SYNRG: variants seen among roughly 807,000 people sequenced by gnomAD.
SYNRG encodes the protein AP1 gamma subunit binding protein 1.
In SYNRG, 37 loss-of-function variants were observed where a neutral mutation model predicts 130.9. That is an observed-to-expected ratio of 0.28 (90% CI 0.22 to 0.37). The LOEUF is 0.37. Ranked by LOEUF, SYNRG falls within the 10% of genes least tolerant of loss-of-function variation. SYNRG has a pLI of 1.00. For synonymous variants in SYNRG, 539 were observed against 568.1 expected (o/e 0.95, Z 0.73); for missense variants, 1,338 against 1,588.9 (o/e 0.84, Z 2.68).
intron 6 of SYNRG, among the ~76,000 whole-genome samples, chr17:37,582,846 C>A (rs981331415): frequency 6.6e-6 from 1 of 151,600 alleles, no homozygotes; most frequent in Non-Finnish European, 1.5e-5. Context: ...TAGAATGAGA[C>A]CCTGTCTCAA....
rs1341679385 is a variant in SYNRG at position 37,580,478 on chromosome 17, CGTGT to C, written c.590-2869_590-2866del. 4.0e-3 allele frequency among the ~76,000 whole-genome samples: 491 copies of C among 122,004 alleles called. 4 individuals are homozygous for C. Among genetic ancestry groups the C allele is most frequent in the Non-Finnish European group, 6.2e-3 (378 of 60,866 alleles). The allele number at this position is 122,004 out of a possible 152,430, so 80.0% of individuals were successfully genotyped here. A position where few individuals can be genotyped will look rare whatever the true frequency, so the allele number is the denominator to read the frequency against. On this transcript the variant is annotated intron_variant, in intron 6 of 21. Transcript: ENST00000612223. Reference sequence around the variant, plus strand: ...CCATGCCCAGTTAATCTTTGTATTTCGTGTGTGTGTGTGTGTGTGTGTGTGTGTG... The same window carrying C: ...CCATGCCCAGTTAATCTTTGTATTTCGTGTGTGTGTGTGTGTGTGTGTGTG...
chr17:37,579,957 T>C (rs1349927557), intron 6 of SYNRG, among the ~76,000 whole-genome samples: 1 of 152,132 alleles, frequency 6.6e-6, no homozygotes, highest in African/African-American at 2.4e-5. Context: ...TGGCCTTGAC[T>C]GTCTTTCTTT....
chr17:37,588,051 C>T (rs1048367350), intron 3 of SYNRG, among the ~76,000 whole-genome samples: 4 of 152,092 alleles, frequency 2.6e-5, no homozygotes, highest in Admixed American at 6.6e-5. Context: ...ATTATATCCT[C>T]ACTTCCCTTC....
intron 2 of SYNRG, 104 bp from the exon 3 acceptor site, chr17:37,596,448 ATGG>A: frequency 1.5e-6 from 2 of 1,318,026 alleles, no homozygotes; most frequent in Admixed American, 2.2e-5. Context: ...GCAGAGTGTA[ATGG>A]AAAAAGCACA....
At position 37,542,547 on chromosome 17, in the gene SYNRG, T is replaced by C. The variant is rs749908854; in HGVS notation, c.2627A>G (p.Tyr876Cys). 3 of 1,611,300 alleles carry C rather than the reference T, an allele frequency of 1.9e-6. No individual in the cohort carries two copies. The highest frequency in any genetic ancestry group is 2.5e-6 in the Non-Finnish European group (3 of 1,179,578). Residue 876 changes from tyrosine (Y) to cysteine (C), a missense_variant, in exon 15 of 22, where the codon TAT becomes TGT. Physicochemically the swap from Tyr to Cys is radical, Grantham distance 194. Transcript: ENST00000612223. Reference sequence around the variant, plus strand: ...GCTACTGTAGCTTCCAAAAGCAGCATATTTTAAGTCCTCTATATCTGAAAG... The same window carrying C: ...GCTACTGTAGCTTCCAAAAGCAGCACATTTTAAGTCCTCTATATCTGAAAG... ...PPAADIEDLK[Y>C]AAFGSYSSNF...
intron 18 of SYNRG, among the ~76,000 whole-genome samples, chr17:37,537,916 G>A (rs2057365144): frequency 6.6e-6 from 1 of 152,196 alleles, no homozygotes; most frequent in African/African-American, 2.4e-5. Flanking sequence ...CTTTCCCGTT[G>A]GACTGACACA....
chr17:37,576,582 A>C, intron 7 of SYNRG, 164 bp from the exon 8 acceptor site: 1 of 564,408 alleles, frequency 1.8e-6, no homozygotes, highest in Non-Finnish European at 3.0e-6. Context: ...AGAATAAAAT[A>C]TTTGGTTTTT....
At chr17:37,550,195 C>A (rs2145234725) in intron 14 of SYNRG, among the ~76,000 whole-genome samples, 1 of 152,194 alleles carries the variant, frequency 6.6e-6, no homozygotes, top group South Asian at 2.1e-4. Context: ...TGATCAGTTT[C>A]TTCAAGAGAA....
At chr17:37,556,474 A>G (rs2059130284) in intron 13 of SYNRG, among the ~76,000 whole-genome samples, 1 of 151,448 alleles carries the variant, frequency 6.6e-6, no homozygotes, top group Non-Finnish European at 1.5e-5. Flanking sequence ...TAAATAAAAT[A>G]AAAATAAAAA....
chr17:37,564,757 A>C (rs2059796272), intron 11 of SYNRG, among the ~76,000 whole-genome samples: 1 of 152,236 alleles, frequency 6.6e-6, no homozygotes, highest in Admixed American at 6.5e-5. Context: ...ACTAGGGAAT[A>C]CATTTTATAT....
At position 37,607,017 on chromosome 17, in the gene SYNRG, T is replaced by C. The variant is rs552836450; in HGVS notation, c.77+2262A>G. ...CTTCAGCCTTTACACCATTACTCTC[T>C]AAAAAAAATAATATTCCTTTTTCTA... On this transcript the variant is annotated intron_variant, in intron 1 of 21. Transcript: ENST00000612223. Among the ~76,000 whole-genome samples the C allele has an allele frequency of 7.9e-5, 12 of 152,112 alleles. No homozygotes were observed. The East Asian group carries it at 2.3e-3, about 29-fold the overall frequency.
chr17:37,534,397 G>C (rs2056992884), intron 19 of SYNRG, among the ~76,000 whole-genome samples: 1 of 151,802 alleles, frequency 6.6e-6, no homozygotes, highest in African/African-American at 2.4e-5. Context: ...GTTAATTTTT[G>C]TATTTTTGGT....
chr17:37,588,755 T>A (rs1003327490), intron 3 of SYNRG, among the ~76,000 whole-genome samples: 2 of 151,682 alleles, frequency 1.3e-5, no homozygotes, highest in Admixed American at 6.6e-5. Context: ...TTTTTTTTTT[T>A]ACTCATTTCA....
Position 37,598,301 on chromosome 17 carries a change from A to G in SYNRG, c.119-1957T>C, listed in dbSNP as rs191332970. Among the ~76,000 whole-genome samples, 9 of 152,342 alleles carry G rather than the reference A, an allele frequency of 5.9e-5. No individual in the cohort carries two copies. In the East Asian group the frequency reaches 1.7e-3, roughly 29 times the overall value. On this transcript the variant is annotated intron_variant, in intron 2 of 21. Coordinates refer to ENST00000612223, the MANE Select transcript of SYNRG (RefSeq NM_007247.6). Reference sequence around the variant, plus strand: ...ACCAACAGGGTAGTATTTCAACAAGAACCTCAAGTAAATAAAGAACCAAGC... The same window carrying G: ...ACCAACAGGGTAGTATTTCAACAAGGACCTCAAGTAAATAAAGAACCAAGC...
At chr17:37,551,861 T>C in intron 14 of SYNRG, among the ~76,000 whole-genome samples, 1 of 140,034 alleles carries the variant, frequency 7.1e-6, no homozygotes. Context: ...TAAGAAAATT[T>C]CTGAGGAAAA....
intron 3 of SYNRG, among the ~76,000 whole-genome samples, chr17:37,595,636 CTAAAATA>C (rs1442916550): frequency 6.6e-6 from 1 of 151,920 alleles, no homozygotes; most frequent in Non-Finnish European, 1.5e-5. Flanking sequence ...CCCCCTGAAT[CTAAAATA>C]TAAGTTGAAA....
At chr17:37,536,349 C>T (rs532865693) in intron 18 of SYNRG, 48 of 550,210 alleles carry the variant, frequency 8.7e-5, no homozygotes, top group Non-Finnish European at 1.3e-4. Context: ...CCCAGCTATG[C>T]CTCTTACTGG....
intron 20 of SYNRG, 123 bp from the exon 21 acceptor site, chr17:37,520,337 G>T: frequency 7.5e-7 from 1 of 1,326,134 alleles, no homozygotes; most frequent in South Asian, 1.2e-5. Context: ...GGTGCTGCAG[G>T]CATGAGAGCC....
chr17:37,524,871 T>G (rs563728279), intron 19 of SYNRG, among the ~76,000 whole-genome samples: 3 of 152,338 alleles, frequency 2.0e-5, no homozygotes, highest in African/African-American at 7.2e-5. Context: ...TTACAGATAG[T>G]CATCATGTTA....
Sources: gnomAD v4.1 joint callset for allele counts (sites outside exome capture counted in the v4.1 genomes callset) on GRCh38, gnomAD v4.1.1 for gene constraint, MANE v1.5 for transcripts, NCBI Gene and HGNC (gene_info 2026-07-23, HGNC 2026-07-21) for gene names.